PRKCI: variants seen among roughly 807,000 people sequenced by gnomAD.
PRKCI encodes protein kinase C iota type.
A neutral mutation model predicts 84.0 loss-of-function variants in PRKCI; 43 were observed. That is an observed-to-expected ratio of 0.51 (90% confidence interval 0.40 to 0.66). The LOEUF is 0.66. Among genes scored for constraint, PRKCI ranks in the 30% least tolerant of loss-of-function variants. PRKCI has a pLI of 0.00. For missense variants in PRKCI, 459 were observed against 745.6 expected (o/e 0.62, Z 4.48); for synonymous variants, 216 against 234.4 (o/e 0.92, Z 0.72).
intron 2 of PRKCI, among the ~76,000 whole-genome samples, chr3:170,248,853 C>CTTT (rs35355260): frequency 0.016 from 2,293 of 142,424 alleles, 39 homozygotes; most frequent in East Asian, 0.084. Context: ...TTTTTCTTTT[C>CTTT]TTTTTTTTTT....
At chr3:170,282,047 GATAA>G (rs1284123103) in intron 11 of PRKCI, 79 bp downstream of exon 11, 3 of 1,422,872 alleles carry the variant, frequency 2.1e-6, no homozygotes, top group African/African-American at 1.4e-5. Context: ...GGAAACAGTA[GATAA>G]ATAATTTATT....
Position 170,298,964 on chromosome 3 carries a change from A to C in PRKCI, c.1588-31A>C. ...AGGTGGAGTTTTTCTAAGAATACAG[A>C]CTTGAGCTGTCATCCAGTATGTCTT... is the stretch of plus-strand genomic sequence containing the variant. On this transcript the variant is annotated intron_variant, in intron 16 of 17. Coordinates refer to ENST00000295797, the MANE Select transcript of PRKCI (RefSeq NM_002740.6). 3 of 1,443,296 alleles carry C rather than the reference A, an allele frequency of 2.1e-6. No individual in the cohort carries two copies. The East Asian group carries it at 6.8e-5, about 33-fold the overall frequency. The allele number at this position is 1,443,296 out of a possible 1,614,324, so 89.4% of individuals were successfully genotyped here.
intron 17 of PRKCI, among the ~76,000 whole-genome samples, chr3:170,299,611 T>C (rs1411901470): frequency 6.6e-6 from 1 of 152,284 alleles, no homozygotes; most frequent in African/African-American, 2.4e-5. Flanking sequence ...TGTCATTTTC[T>C]CCTTTGCTTT....
At chr3:170,240,963 A>G (rs906890199) in intron 2 of PRKCI, among the ~76,000 whole-genome samples, 1 of 152,250 alleles carries the variant, frequency 6.6e-6, no homozygotes, top group Non-Finnish European at 1.5e-5. Flanking sequence ...CCTCTTTCTC[A>G]TAAATTCTTG....
At chr3:170,301,129 C>G (rs1325869708) in intron 17 of PRKCI, among the ~76,000 whole-genome samples, 1 of 152,156 alleles carries the variant, frequency 6.6e-6, no homozygotes, top group Non-Finnish European at 1.5e-5. Context: ...AGTCTGATCT[C>G]CCCAAAAGCG....
chr3:170,273,472 A>G (rs931441168), intron 7 of PRKCI, 132 bp downstream of exon 7: 8 of 856,552 alleles, frequency 9.3e-6, no homozygotes, highest in Non-Finnish European at 1.3e-5. Context: ...TATATTTTGT[A>G]GTGGTGAAAT....
chr3:170,267,726 T>C (rs1234719982), intron 4 of PRKCI, among the ~76,000 whole-genome samples, 189 bp from the exon 5 acceptor site: 1 of 151,488 alleles, frequency 6.6e-6, no homozygotes, highest in Non-Finnish European at 1.5e-5. Context: ...TAGTCAAATA[T>C]TTATACTCTG....
At chr3:170,286,507 T>C (rs2108862062) in intron 12 of PRKCI, among the ~76,000 whole-genome samples, 1 of 120,072 alleles carries the variant, frequency 8.3e-6, no homozygotes, top group South Asian at 2.8e-4. Context: ...TTTTTTTTTT[T>C]GCCTGTGAGA....
At chr3:170,245,317 C>G (rs1019776385) in intron 2 of PRKCI, among the ~76,000 whole-genome samples, 3 of 151,834 alleles carry the variant, frequency 2.0e-5, no homozygotes, top group Non-Finnish European at 2.9e-5. Flanking sequence ...GGACTGAGCC[C>G]TAAACCTACG....
At chr3:170,231,317 T>C (rs1442723201) in intron 1 of PRKCI, among the ~76,000 whole-genome samples, 1 of 152,152 alleles carries the variant, frequency 6.6e-6, no homozygotes, top group African/African-American at 2.4e-5. Context: ...CTTGTAGACC[T>C]ATTACATACT....
intron 2 of PRKCI, among the ~76,000 whole-genome samples, chr3:170,253,008 C>T (rs1417856757): frequency 6.6e-6 from 1 of 152,204 alleles, no homozygotes; most frequent in African/African-American, 2.4e-5. Flanking sequence ...TCACTTGACA[C>T]AATGTCTTCC....
chr3:170,246,156 G>A (rs754505120), intron 2 of PRKCI, among the ~76,000 whole-genome samples: 2 of 150,516 alleles, frequency 1.3e-5, no homozygotes, highest in Non-Finnish European at 3.0e-5. Context: ...ACAGAGTCTC[G>A]CTCTTGTCAC....
intron 8 of PRKCI, among the ~76,000 whole-genome samples, chr3:170,277,912 T>C (rs1734157324): frequency 6.6e-6 from 1 of 152,192 alleles, no homozygotes; most frequent in South Asian, 2.1e-4. Context: ...TTTTCTTTCC[T>C]TCCTACGTCT....
intron 10 of PRKCI, 114 bp from the exon 11 acceptor site, chr3:170,281,768 C>T: frequency 7.2e-7 from 1 of 1,395,114 alleles, no homozygotes. Context: ...ATTTTGGCAT[C>T]TTTTTAAAGG....
rs1734918975 is a variant in PRKCI, at chr3:170,304,960, A to G, written c.*1833A>G. The G allele has an allele frequency of 6.6e-6, 1 of 152,164 alleles. No individual in the cohort carries two copies. The highest frequency in any genetic ancestry group is 6.6e-5 in the Admixed American group (1 of 15,266). 9.4% of individuals were successfully genotyped at this position (152,164 alleles called of 1,614,324 possible). ...TGTCATTTTTCCAAAGTTTCTAGCT[A>G]TATACTCTCTTTCCTTCAAATAACA... On this transcript the variant is annotated 3_prime_UTR_variant, in exon 18 of 18. Transcript: ENST00000295797.
rs1050315708 is a variant in PRKCI, at chr3:170,270,475, T to C, written c.505T>C (p.Tyr169His). 1.9e-6 allele frequency: 3 copies of C among 1,613,672 alleles called. No individual in the cohort carries two copies. The highest frequency in any genetic ancestry group is 4.5e-5 in the East Asian group (2 of 44,888). Residue 169 changes from tyrosine to histidine, a missense_variant, in exon 6 of 18, where the codon TAT becomes CAT. Transcript: ENST00000295797. ...AATATGGGGACTTGGACGCCAAGGA[T>C]ATAAGTGCATCAACTGCAAACTCTT... is the stretch of plus-strand genomic sequence containing the variant. ...DRIWGLGRQG[Y>H]KCINCKLLVH...
intron 2 of PRKCI, among the ~76,000 whole-genome samples, chr3:170,238,284 A>C (rs1733031282): frequency 1.3e-5 from 1 of 78,510 alleles, no homozygotes; most frequent in Non-Finnish European, 3.1e-5. Flanking sequence ...AATCACTTGA[A>C]CCTGGGAGAC....
chr3:170,266,265 T>C (rs1166757596), intron 4 of PRKCI, among the ~76,000 whole-genome samples: 9 of 152,202 alleles, frequency 5.9e-5, no homozygotes, highest in African/African-American at 1.4e-4. Flanking sequence ...GAAAAAGATA[T>C]GCTTCTGGTA....
At chr3:170,238,133 C>T (rs1450749970) in intron 2 of PRKCI, among the ~76,000 whole-genome samples, 5 of 152,046 alleles carry the variant, frequency 3.3e-5, no homozygotes, top group South Asian at 2.1e-4. Flanking sequence ...GAGGCCGAGG[C>T]GGGTGGATGG....
Sources: gnomAD v4.1 joint callset for allele counts (sites outside exome capture counted in the v4.1 genomes callset) on GRCh38, gnomAD v4.1.1 for gene constraint, MANE v1.5 for transcripts, NCBI Gene and HGNC (gene_info 2026-07-23, HGNC 2026-07-21) for gene names.